Variants in PIAS4 observed in about 807,000 individuals in gnomAD.
The protein encoded by PIAS4 is E3 SUMO-protein ligase PIAS4.
Under a neutral mutation model 58.0 loss-of-function variants are expected in PIAS4, and 7 were observed. The ratio of observed to expected loss-of-function variants is 0.12; its 90% CI spans 0.07 to 0.23. The LOEUF (loss-of-function observed/expected upper bound fraction) is 0.23, where lower values mean the gene tolerates loss of function less well. PIAS4 is among the 10% of genes least tolerant of loss of function. The pLI, the probability that PIAS4 is intolerant of heterozygous loss-of-function variation, is 1.00. For missense variants in PIAS4, 550 were observed against 709.5 expected (o/e 0.78, Z 2.55); for synonymous variants, 364 against 312.4 (o/e 1.17, Z -1.74).
Position 4,038,945 on chromosome 19 carries a change from G to T in PIAS4, c.*1070G>T, listed in dbSNP as rs1431636634. The T allele has an allele frequency of 6.6e-6, 1 of 152,574 alleles. No homozygotes were observed. The highest frequency in any genetic ancestry group is 2.4e-5 in the African/African-American group (1 of 41,572). 9.5% of individuals were successfully genotyped at this position (152,574 alleles called of 1,614,324 possible). A position where few individuals can be genotyped will look rare whatever the true frequency, so the allele number is the denominator to read the frequency against. On this transcript the variant is annotated 3_prime_UTR_variant, in exon 11 of 11. Coordinates refer to ENST00000262971, the MANE Select transcript of PIAS4 (RefSeq NM_015897.4). This position sits in a 1 kb window ranked among gnomAD's most constrained non-coding sequence, Gnocchi z 4.1. ...AGGGGCCTCCTTCCTGTCCCCAGGC[G>T]TTCCCGGCCCCTCGCAGGCCCCACC...
At chr19:4,020,207 C>T (rs1293378859) in intron 2 of PIAS4, among the ~76,000 whole-genome samples, 2 of 152,210 alleles carry the variant, frequency 1.3e-5, no homozygotes, top group African/African-American at 2.4e-5. Flanking sequence ...TGAGCCACTG[C>T]ACCCGGCTTC....
chr19:4,025,122 G>A (rs947490541), intron 3 of PIAS4, among the ~76,000 whole-genome samples: 12 of 152,200 alleles, frequency 7.9e-5, no homozygotes, highest in African/African-American at 2.9e-4. Flanking sequence ...CCATACCGTG[G>A]ATAGTGAGGT....
chr19:4,012,381 T>G (rs1278474104), intron 1 of PIAS4, among the ~76,000 whole-genome samples: 2 of 152,090 alleles, frequency 1.3e-5, no homozygotes, highest in Admixed American at 6.5e-5. Context: ...GTTAAATATA[T>G]AATCACATGA....
In PIAS4 at chr19:4,033,193, C is replaced by G; in HGVS notation, c.981+20C>G. ...TGTCCGGTGAGTCGGGGCGCGGTCC[C>G]CTCCTCGAGGCCTCTCCTGCGGCCG... On this transcript the variant is annotated intron_variant, in intron 8 of 10. Coordinates refer to ENST00000262971, the MANE Select transcript of PIAS4 (RefSeq NM_015897.4). 6.3e-7 allele frequency: 1 copy of G among 1,599,618 alleles called. No homozygotes were observed. The highest frequency in any genetic ancestry group is 8.5e-7 in the Non-Finnish European group (1 of 1,173,694).
chr19:4,020,473 CTGCCATT>C (rs1489852368), intron 2 of PIAS4, among the ~76,000 whole-genome samples: 2 of 151,354 alleles, frequency 1.3e-5, no homozygotes, highest in African/African-American at 4.9e-5. Flanking sequence ...CACTGCAAGG[CTGCCATT>C]GTGGCCAGAT....
chr19:4,037,634 G>T lies in PIAS4; in HGVS notation c.1292G>T (p.Gly431Val), dbSNP rs772112206. Reference protein sequence around the residue: ...ILVLGPSDANGLLPAPSVNGS... With the variant: ...ILVLGPSDANVLLPAPSVNGS... Reference sequence around the variant, plus strand: ...CCCGTAGGCCCCTCGGACGCCAATGGGCTCCTGCCCGCCCCCAGCGTCAAC... The same window carrying T: ...CCCGTAGGCCCCTCGGACGCCAATGTGCTCCTGCCCGCCCCCAGCGTCAAC... Residue 431 changes from glycine to valine, a missense_variant, in exon 11 of 11, where the codon GGG (glycine) becomes GTG (valine). Coordinates refer to ENST00000262971, the MANE Select transcript of PIAS4 (RefSeq NM_015897.4). This position sits in a 1 kb window ranked among gnomAD's most constrained non-coding sequence, Gnocchi z 5.8. 2.5e-6 allele frequency: 4 copies of T among 1,611,246 alleles called. No homozygotes were observed. The East Asian group carries it at 6.7e-5, about 27-fold the overall frequency.
chr19:4,030,059 T>C (rs1457304269), intron 7 of PIAS4, among the ~76,000 whole-genome samples: 1 of 151,698 alleles, frequency 6.6e-6, no homozygotes, highest in Non-Finnish European at 1.5e-5. Flanking sequence ...CCTGACCTCG[T>C]GATCCGCTTG....
At chr19:4,028,286 C>G in intron 4 of PIAS4, 99 bp downstream of exon 4, 1 of 1,045,416 alleles carries the variant, frequency 9.6e-7, no homozygotes, top group Non-Finnish European at 1.4e-6. Flanking sequence ...GTCTCCCCTG[C>G]TAACAGCAGA....
At chr19:4,025,356 G>C (rs2040152236) in intron 3 of PIAS4, among the ~76,000 whole-genome samples, 1 of 152,232 alleles carries the variant, frequency 6.6e-6, no homozygotes, top group Admixed American at 6.5e-5. Context: ...TCCTCCCTCA[G>C]TCTCTCCGAG....
Position 4,013,515 on chromosome 19 carries a change from C to T in PIAS4, c.454+166C>T, listed in dbSNP as rs1016313891. ...CCTTCCTCGGAAGCAAAGGGACCAT[C>T]TTTGATATTGGTCACCCCTTGCTGT... On this transcript the variant is annotated intron_variant, in intron 2 of 10. Transcript: ENST00000262971. The surrounding 1 kb of genome is among the most constrained non-coding windows in gnomAD (Gnocchi z 5.1). 6.6e-6 allele frequency among the ~76,000 whole-genome samples: 1 copy of T among 152,184 alleles called. No individual in the cohort carries two copies.
At chr19:4,011,806 G>C (rs1182394180) in intron 1 of PIAS4, among the ~76,000 whole-genome samples, 4 of 42,574 alleles carry the variant, frequency 9.4e-5, no homozygotes, top group African/African-American at 1.1e-4. Context: ...GTGTGGAGGT[G>C]TGTGGGGTGT....
chr19:4,032,864 C>T (rs906855805), intron 7 of PIAS4, among the ~76,000 whole-genome samples: 2 of 152,166 alleles, frequency 1.3e-5, no homozygotes, highest in Non-Finnish European at 1.5e-5. Flanking sequence ...AGGCCACCTC[C>T]GTGTGGGGGC....
chr19:4,015,345 A>G (rs988989248), intron 2 of PIAS4, among the ~76,000 whole-genome samples: 3 of 152,002 alleles, frequency 2.0e-5, no homozygotes, highest in Non-Finnish European at 2.9e-5. Context: ...CCGTCCCACA[A>G]TACATCGCTG....
chr19:4,024,008 A>G (rs369236163), intron 2 of PIAS4, 28 bp from the exon 3 acceptor site: 44 of 1,517,732 alleles, frequency 2.9e-5, no homozygotes, highest in African/African-American at 8.2e-5. Flanking sequence ...GGGACCAGAC[A>G]TGCCCCTGAC....
Position 4,028,558 on chromosome 19 carries a change from C to G in PIAS4, c.630C>G (p.Pro210=). 10 of 1,613,066 alleles carry G rather than the reference C, an allele frequency of 6.2e-6. No homozygotes were observed. The highest frequency in any genetic ancestry group is 2.2e-5 in the East Asian group (1 of 44,864). ...TSCPQEDQYP[P]NIAVKVNHSY... ...GCCCTCAGGAGGACCAGTACCCGCC[C>G]AACATCGCTGTGAAGGTCAACCACA... Residue 210 remains proline, a synonymous_variant, in exon 5 of 11, where the codon CCC becomes CCG. Coordinates refer to ENST00000262971, the MANE Select transcript of PIAS4 (RefSeq NM_015897.4).
chr19:4,013,725 C>G lies in PIAS4; in HGVS notation c.454+376C>G, dbSNP rs895743698. ...AGGCACATCCTTGTGTGGTGGCTGG[C>G]AGGCCTCAGCTCCTCGCCAGCTCTT... is the stretch of plus-strand genomic sequence containing the variant. On this transcript the variant is annotated intron_variant, in intron 2 of 10. Coordinates refer to ENST00000262971, the MANE Select transcript of PIAS4 (RefSeq NM_015897.4). The surrounding 1 kb of genome is among the most constrained non-coding windows in gnomAD (Gnocchi z 5.1). Among the ~76,000 whole-genome samples the G allele has an allele frequency of 6.6e-6, 1 of 152,144 alleles. No individual in the cohort carries two copies. The highest frequency in any genetic ancestry group is 2.4e-5 in the African/African-American group (1 of 41,414).
intron 3 of PIAS4, among the ~76,000 whole-genome samples, chr19:4,025,658 C>T (rs1258763199): frequency 6.6e-6 from 1 of 152,226 alleles, no homozygotes; most frequent in Admixed American, 6.5e-5. Context: ...CCTGGGTGAC[C>T]CAAGGTGGCG....
chr19:4,033,561 G>A lies in PIAS4; in HGVS notation c.1123G>A (p.Asp375Asn), dbSNP rs748059852. The A allele has an allele frequency of 5.6e-6, 9 of 1,608,742 alleles. No individual in the cohort carries two copies. The highest frequency in any genetic ancestry group is 5.5e-5 in the South Asian group (5 of 90,156). Residue 375 changes from aspartate (D) to asparagine (N), a missense_variant, in exon 9 of 11, where the codon GAC (aspartate) becomes AAC (asparagine). Around this residue, in one of 4 missense-constraint regions of PIAS4, gnomAD observed 225 missense variants for 345.8 expected, o/e 0.65. Transcript: ENST00000262971. ...CPVCDKPAPY[D>N]QLIIDGLLSK... ...CGTGTGCGACAAGCCAGCCCCCTACGACCAGCTCATCATCGACGGGTGAGC... is the reference window on the plus strand; with the variant it reads ...CGTGTGCGACAAGCCAGCCCCCTACAACCAGCTCATCATCGACGGGTGAGC...
chr19:4,020,154 G>T (rs2040094816), intron 2 of PIAS4, among the ~76,000 whole-genome samples: 1 of 152,160 alleles, frequency 6.6e-6, no homozygotes, highest in Non-Finnish European at 1.5e-5. Flanking sequence ...CTGACCTCAT[G>T]ATCCGACTGC....
Sources: allele counts gnomAD v4.1 joint callset (sites outside exome capture counted in the v4.1 genomes callset), GRCh38; gene constraint gnomAD v4.1.1; regional missense constraint gnomAD v4.1.1; non-coding constraint Gnocchi (gnomAD v3.1); transcripts MANE v1.5; gene names NCBI Gene and HGNC (gene_info 2026-07-23, HGNC 2026-07-21).